Variants in DCAF1 observed in about 807,000 individuals in gnomAD.
DCAF1 encodes DDB1 and CUL4 associated factor 1.
A neutral mutation model predicts 128.0 loss-of-function variants in DCAF1; 15 were observed. The observed-to-expected ratio is 0.12, with a 90% CI of 0.08 to 0.18. DCAF1 has a LOEUF of 0.18. Ranked by LOEUF, DCAF1 falls within the 10% of genes least tolerant of loss-of-function variation. The pLI, the probability that DCAF1 is intolerant of heterozygous loss-of-function variation, is 1.00. For synonymous variants in DCAF1, 610 were observed against 603.0 expected, an observed-to-expected ratio of 1.01 and a Z score of -0.17; for missense variants, 988 against 1,649.5, an observed-to-expected ratio of 0.60 and a Z score of 6.95.
chr3:51,423,743 C>A (rs1418179372), intron 13 of DCAF1, among the ~76,000 whole-genome samples: 3 of 149,980 alleles, frequency 2.0e-5, no homozygotes, highest in African/African-American at 4.9e-5. Context: ...CTGCTTGAAT[C>A]TGGGAGGCAG....
intron 9 of DCAF1, chr3:51,438,139 A>T (rs1044306917): frequency 5.2e-6 from 2 of 387,036 alleles, no homozygotes; most frequent in African/African-American, 2.1e-5. Flanking sequence ...ATTTTTTTTT[A>T]ACTGTAATTT....
intron 4 of DCAF1, among the ~76,000 whole-genome samples, chr3:51,470,397 C>T (rs1044653275): frequency 6.6e-6 from 1 of 151,878 alleles, no homozygotes; most frequent in Non-Finnish European, 1.5e-5. Context: ...CCCATCTCTA[C>T]AAAAAAATAA....
Position 51,437,266 on chromosome 3 carries a change from C to CAA in DCAF1, c.1128+3702_1128+3703dup, listed in dbSNP as rs71633071. ...CCAGGTGACAGATAAGACTCCATGT[C>CAA]AAAAAAAAAAAAAAAAAAAAAAAAG... On this transcript the variant is annotated intron_variant, in intron 9 of 24. Transcript: ENST00000684031. The CAA allele has an allele frequency of 7.9e-3, 2,010 of 254,542 alleles. 2 individuals are homozygous for CAA. The highest frequency in any genetic ancestry group is 9.1e-3 in the Non-Finnish European group (1,265 of 138,720). The allele number at this position is 254,542 out of a possible 1,614,324, so 15.8% of individuals were successfully genotyped here. A position where few individuals can be genotyped will look rare whatever the true frequency, so the allele number is the denominator to read the frequency against.
chr3:51,403,522 C>A, intron 23 of DCAF1, 127 bp from the exon 24 acceptor site: 1 of 1,442,454 alleles, frequency 6.9e-7, no homozygotes, highest in Non-Finnish European at 9.2e-7. Context: ...TCTAGACGAG[C>A]ACAGACTTCA....
intron 3 of DCAF1, among the ~76,000 whole-genome samples, chr3:51,483,235 T>TC (rs1441219196): frequency 1.3e-5 from 2 of 150,430 alleles, no homozygotes; most frequent in Non-Finnish European, 2.9e-5. Context: ...GGTAAGGAGT[T>TC]CGAGACCAGC....
intron 6 of DCAF1, among the ~76,000 whole-genome samples, chr3:51,450,243 T>C (rs1221015640): frequency 2.0e-5 from 3 of 152,110 alleles, no homozygotes; most frequent in South Asian, 2.1e-4. Flanking sequence ...TTCCCAAAAA[T>C]TGACTGGGAG....
chr3:51,443,920 T>C lies in DCAF1; in HGVS notation c.376-17A>G, dbSNP rs782420897. The C allele has an allele frequency of 1.6e-5, 25 of 1,569,016 alleles. No individual in the cohort carries two copies. Among genetic ancestry groups the C allele is most frequent in the Non-Finnish European group, 2.1e-5 (25 of 1,165,128 alleles). On this transcript the variant is annotated splice_polypyrimidine_tract_variant and intron_variant, in intron 6 of 24. Coordinates refer to ENST00000684031, the MANE Select transcript of DCAF1 (RefSeq NM_001387579.1). ...AATTCCCTCCTATAGTAAAGGAAAT[T>C]AAATAGTACATTTCGGAAAAAGCCC...
rs1440599343 is a variant in DCAF1 at position 51,432,266 on chromosome 3, G to GT, written c.1287+839dup. On this transcript the variant is annotated intron_variant, in intron 10 of 24. Coordinates refer to ENST00000684031, the MANE Select transcript of DCAF1 (RefSeq NM_001387579.1). ...AACCTGGGAGACAGAGCAAGATTCT[G>GT]TAAAAAAAAAAAAAAAAAAAAAGTA... 3.7e-4 allele frequency among the ~76,000 whole-genome samples: 4 copies of GT among 10,678 alleles called. 1 individual carries two copies. The highest frequency in any genetic ancestry group is 9.7e-4 in the African/African-American group (4 of 4,104). 7.0% of individuals were successfully genotyped at this position (10,678 alleles called of 152,430 possible).
At chr3:51,442,022 A>G in intron 7 of DCAF1, 125 bp from the exon 8 acceptor site, 1 of 1,278,668 alleles carries the variant, frequency 7.8e-7, no homozygotes, top group Non-Finnish European at 1.1e-6. Flanking sequence ...TGTAATAGCA[A>G]CAATTTGATA....
chr3:51,501,095 G>A (rs538533743), upstream of DCAF1, among the ~76,000 whole-genome samples: 1 of 152,276 alleles, frequency 6.6e-6, no homozygotes, highest in South Asian at 2.1e-4. Flanking sequence ...GGGATTACAG[G>A]CATGAGCCAC....
intron 7 of DCAF1, 68 bp downstream of exon 7, chr3:51,443,698 T>A: frequency 7.2e-7 from 1 of 1,395,614 alleles, no homozygotes; most frequent in Non-Finnish European, 9.5e-7. Flanking sequence ...CTTATTCAGA[T>A]TCAAGTAACA....
At chr3:51,407,158 C>CAAAAAA (rs1477512198) in intron 23 of DCAF1, among the ~76,000 whole-genome samples, 3 of 89,544 alleles carry the variant, frequency 3.4e-5, no homozygotes, top group East Asian at 3.5e-4. Flanking sequence ...GACTCCATCT[C>CAAAAAA]AAAAAAAAAA....
chr3:51,424,795 GTTA>G (rs1180519904), intron 13 of DCAF1, among the ~76,000 whole-genome samples: 3 of 152,206 alleles, frequency 2.0e-5, no homozygotes, highest in Admixed American at 2.0e-4. Flanking sequence ...GCAGTATGAC[GTTA>G]TTATTTATGA....
intron 6 of DCAF1, among the ~76,000 whole-genome samples, chr3:51,448,337 AC>A (rs1181770134): frequency 6.6e-6 from 1 of 152,098 alleles, no homozygotes; most frequent in Non-Finnish European, 1.5e-5. Context: ...ATTATTAGTT[AC>A]CCTGTCAGAT....
chr3:51,439,440 C>G (rs1276734109), intron 9 of DCAF1, among the ~76,000 whole-genome samples: 1 of 81,378 alleles, frequency 1.2e-5, no homozygotes, highest in Non-Finnish European at 2.3e-5. Flanking sequence ...TCTGCTATTT[C>G]TATTTTTTTT....
intron 6 of DCAF1, among the ~76,000 whole-genome samples, chr3:51,449,838 A>T (rs1553641063): frequency 6.6e-6 from 1 of 152,198 alleles, no homozygotes; most frequent in Non-Finnish European, 1.5e-5. Context: ...ATAGAAATAA[A>T]AAGATTTATA....
intron 9 of DCAF1, chr3:51,437,916 GAAAA>G (rs1553637383): frequency 5.0e-6 from 1 of 201,078 alleles, no homozygotes; most frequent in African/African-American, 2.4e-5. Flanking sequence ...GAAAAAGAAA[GAAAA>G]CACTGTAACA....
At chr3:51,502,215 T>TCTGC (rs1708837439), upstream of DCAF1, among the ~76,000 whole-genome samples, 1 of 152,118 alleles carries the variant, frequency 6.6e-6, no homozygotes, top group Non-Finnish European at 1.5e-5. Flanking sequence ...ACTGCCTCAG[T>TCTGC]CTGCCACCAG....
chr3:51,470,175 A>G (rs1044394635), intron 4 of DCAF1, among the ~76,000 whole-genome samples: 17 of 152,326 alleles, frequency 1.1e-4, no homozygotes, highest in African/African-American at 3.6e-4. Flanking sequence ...TTTCTCAACT[A>G]TATTTCCCCA....
Sources: gnomAD v4.1 joint callset for allele counts (sites outside exome capture counted in the v4.1 genomes callset) on GRCh38, gnomAD v4.1.1 for gene constraint, MANE v1.5 for transcripts, NCBI Gene and HGNC (gene_info 2026-07-23, HGNC 2026-07-21) for gene names.